EIF2B3: variants seen among roughly 807,000 people sequenced by gnomAD.
EIF2B3 encodes eukaryotic translation initiation factor 2B subunit gamma.
In EIF2B3, 20 loss-of-function variants were observed where a neutral mutation model predicts 54.1. The observed-to-expected ratio is 0.37, with a 90% CI of 0.26 to 0.54. The LOEUF (loss-of-function observed/expected upper bound fraction) is 0.54. Among genes scored for constraint, EIF2B3 ranks in the 20% least tolerant of loss-of-function variants. EIF2B3 has a pLI of 0.86. For missense variants in EIF2B3, 448 were observed against 547.8 expected (o/e 0.82, Z 1.82); for synonymous variants, 153 against 188.1 (o/e 0.81, Z 1.52).
At chr1:44,936,220 T>A (rs940116095) in intron 4 of EIF2B3, among the ~76,000 whole-genome samples, 16 of 151,562 alleles carry the variant, frequency 1.1e-4, no homozygotes, top group South Asian at 6.2e-4. Context: ...GAGAAAAAAA[T>A]TTTTTTTTCA....
intron 1 of EIF2B3, 77 bp from the exon 2 acceptor site, chr1:44,981,254 T>G: frequency 6.7e-7 from 1 of 1,499,802 alleles, no homozygotes; most frequent in East Asian, 2.3e-5. Flanking sequence ...ACTAGCCTAT[T>G]TTTATTTAGG....
intron 10 of EIF2B3, among the ~76,000 whole-genome samples, chr1:44,862,241 G>C (rs913130060): frequency 2.0e-5 from 3 of 152,214 alleles, no homozygotes; most frequent in African/African-American, 7.2e-5. Flanking sequence ...ATGTCTAGCT[G>C]TGTTCTCTAA....
At chr1:44,933,893 C>T (rs573459984) in intron 4 of EIF2B3, among the ~76,000 whole-genome samples, 82 of 151,336 alleles carry the variant, frequency 5.4e-4, no homozygotes, top group African/African-American at 1.9e-3. Flanking sequence ...GAGGCCGAGG[C>T]GGGAAGATCA....
Position 44,881,592 on chromosome 1 carries a change from G to T in EIF2B3, c.784+20C>A. ...TGCTGCTACCCTTGCCCCTCTTACT[G>T]AACCAACCCAAGAACTGACCTAAGG... On this transcript the variant is annotated intron_variant, in intron 7 of 11. Transcript: ENST00000360403. The surrounding 1 kb of genome is among the most constrained non-coding windows in gnomAD (Gnocchi z 4.0). 1.9e-6 allele frequency: 3 copies of T among 1,613,590 alleles called. No individual in the cohort carries two copies. The highest frequency in any genetic ancestry group is 8.5e-7 in the Non-Finnish European group (1 of 1,179,724).
At position 44,874,666 on chromosome 1, in the gene EIF2B3, G is replaced by C; in HGVS notation, c.1202+12C>G. On this transcript the variant is annotated intron_variant, in intron 10 of 11. Coordinates refer to ENST00000360403, the MANE Select transcript of EIF2B3 (RefSeq NM_020365.5). Reference sequence around the variant, plus strand: ...TTATCTTTGCCTCAAGTGGGTACAGGGGGAAACATACCCTTCCTCCACAGT... The same window carrying C: ...TTATCTTTGCCTCAAGTGGGTACAGCGGGAAACATACCCTTCCTCCACAGT... 1 of 1,614,028 alleles carries C rather than the reference G, an allele frequency of 6.2e-7. No individual in the cohort carries two copies. The highest frequency in any genetic ancestry group is 8.5e-7 in the Non-Finnish European group (1 of 1,179,968).
At chr1:44,890,658 G>T (rs1336523755) in intron 6 of EIF2B3, among the ~76,000 whole-genome samples, 1 of 151,914 alleles carries the variant, frequency 6.6e-6, no homozygotes, top group African/African-American at 2.4e-5. Context: ...TTTTCCCCAA[G>T]GTATAGGCTC....
chr1:44,983,609 C>T (rs752991395), intron 1 of EIF2B3, among the ~76,000 whole-genome samples: 1 of 151,962 alleles, frequency 6.6e-6, no homozygotes, highest in Non-Finnish European at 1.5e-5. Flanking sequence ...TGGTGGCTCA[C>T]GCCTGTAATC....
At chr1:44,871,769 CA>C (rs1654972176) in intron 10 of EIF2B3, among the ~76,000 whole-genome samples, 1 of 151,742 alleles carries the variant, frequency 6.6e-6, no homozygotes, top group South Asian at 2.1e-4. Context: ...AGATTATTTC[CA>C]ATAGGGTAGT....
At chr1:44,929,624 T>G (rs1027320256) in intron 4 of EIF2B3, among the ~76,000 whole-genome samples, 2 of 152,188 alleles carry the variant, frequency 1.3e-5, no homozygotes, top group Non-Finnish European at 2.9e-5. Context: ...AACTTGAGAA[T>G]GTAACAAAGT....
intron 5 of EIF2B3, among the ~76,000 whole-genome samples, chr1:44,907,363 T>C (rs1643431876): frequency 6.7e-6 from 1 of 150,090 alleles, no homozygotes; most frequent in Non-Finnish European, 1.5e-5. Context: ...ATGGAGACCA[T>C]CCTGGCCAAC....
intron 4 of EIF2B3, among the ~76,000 whole-genome samples, chr1:44,927,656 CG>C (rs1643866375): frequency 6.6e-6 from 1 of 152,058 alleles, no homozygotes; most frequent in South Asian, 2.1e-4. Context: ...TAATTGGTGA[CG>C]TTTAAACAAG....
chr1:44,863,868 G>A (rs1385326181), intron 10 of EIF2B3, among the ~76,000 whole-genome samples: 3 of 152,102 alleles, frequency 2.0e-5, no homozygotes, highest in Non-Finnish European at 4.4e-5. Context: ...GTTAATTCAG[G>A]TAATGATATA....
chr1:44,880,249 T>G (rs1655346534), intron 7 of EIF2B3, among the ~76,000 whole-genome samples: 1 of 152,200 alleles, frequency 6.6e-6, no homozygotes, highest in East Asian at 1.9e-4. Flanking sequence ...CTCACACTTC[T>G]TCCTTTGAAA....
intron 3 of EIF2B3, among the ~76,000 whole-genome samples, chr1:44,976,374 T>C (rs750621072): frequency 6.6e-6 from 1 of 152,138 alleles, no homozygotes; most frequent in African/African-American, 2.4e-5. Flanking sequence ...ATCAGGGAAA[T>C]GTAAATTAAA....
At chr1:44,854,884 G>A (rs945845102) in intron 11 of EIF2B3, among the ~76,000 whole-genome samples, 4 of 151,974 alleles carry the variant, frequency 2.6e-5, no homozygotes, top group Admixed American at 6.6e-5. Flanking sequence ...CACCGCATCC[G>A]GCTGAGACTG....
chr1:44,982,506 C>T (rs1644525520), intron 1 of EIF2B3, among the ~76,000 whole-genome samples: 1 of 152,124 alleles, frequency 6.6e-6, no homozygotes, highest in Non-Finnish European at 1.5e-5. Context: ...CCATGTTGGC[C>T]AGGCTGGTCC....
intron 4 of EIF2B3, among the ~76,000 whole-genome samples, chr1:44,932,750 CAAAACA>C (rs1643908717): frequency 6.6e-6 from 1 of 151,988 alleles, no homozygotes; most frequent in Non-Finnish European, 1.5e-5. Context: ...CAAAACAAAA[CAAAACA>C]AAACAAAAAA....
At chr1:44,916,754 C>A (rs1199304928) in intron 5 of EIF2B3, among the ~76,000 whole-genome samples, 1 of 148,176 alleles carries the variant, frequency 6.7e-6, no homozygotes, top group African/African-American at 2.5e-5. Context: ...GCCCAGGAGG[C>A]AGAGGCTGCA....
At chr1:44,951,218 T>C (rs1356051734) in intron 3 of EIF2B3, among the ~76,000 whole-genome samples, 1 of 152,182 alleles carries the variant, frequency 6.6e-6, no homozygotes, top group Non-Finnish European at 1.5e-5. Flanking sequence ...AATATCATAT[T>C]AATTCATGTG....
Sources: gnomAD v4.1 joint callset for allele counts (sites outside exome capture counted in the v4.1 genomes callset) on GRCh38, gnomAD v4.1.1 for gene constraint, Gnocchi (gnomAD v3.1) non-coding constraint, MANE v1.5 for transcripts, NCBI Gene and HGNC (gene_info 2026-07-23, HGNC 2026-07-21) for gene names.